The following XKR3 variants were observed in gnomAD, a reference collection of about 807,000 sequenced individuals.
XKR3 encodes XK-related protein 3.
Under a neutral mutation model 40.3 loss-of-function variants are expected in XKR3, and 27 were observed. The ratio of observed to expected loss-of-function variants is 0.67; its 90% confidence interval spans 0.49 to 0.92. XKR3 has a LOEUF of 0.92. Among genes scored for constraint, XKR3 ranks in the 40% least tolerant of loss-of-function variants. XKR3 has a pLI of 0.00. For missense variants in XKR3, 472 were observed against 537.6 expected, an observed-to-expected ratio of 0.88 and a Z score of 1.21; for synonymous variants, 193 against 195.4, an observed-to-expected ratio of 0.99 and a Z score of 0.10.
At chr22:16,809,800 C>CA (rs746909309) in intron 1 of XKR3, among the ~76,000 whole-genome samples, 14 of 152,036 alleles carry the variant, frequency 9.2e-5, no homozygotes, top group Admixed American at 5.2e-4. Flanking sequence ...TTCTGTTGTC[C>CA]AGGCTGGAGT....
At chr22:16,790,907 A>AC (rs1555896173) in intron 3 of XKR3, among the ~76,000 whole-genome samples, 2 of 148,598 alleles carry the variant, frequency 1.3e-5, no homozygotes, top group African/African-American at 2.5e-5. Flanking sequence ...AAAAAAAAAA[A>AC]GAATATGGAG....
intron 2 of XKR3, among the ~76,000 whole-genome samples, chr22:16,800,422 G>C (rs776303011): frequency 1.3e-5 from 2 of 152,108 alleles, no homozygotes; most frequent in Non-Finnish European, 1.5e-5. Flanking sequence ...ATACTATTCT[G>C]ACAACTTTTT....
At chr22:16,798,625 C>T (rs561905448) in intron 3 of XKR3, among the ~76,000 whole-genome samples, 4 of 152,260 alleles carry the variant, frequency 2.6e-5, no homozygotes, top group African/African-American at 7.2e-5. Flanking sequence ...TAATTTCTTT[C>T]GTATGGTTGC....
chr22:16,813,722 T>C (rs1355392638), intron 1 of XKR3, among the ~76,000 whole-genome samples: 4 of 152,238 alleles, frequency 2.6e-5, no homozygotes, highest in African/African-American at 9.6e-5. Flanking sequence ...GGTGAATGTA[T>C]GTCCAATCTT....
chr22:16,785,295 C>T (rs1323555576), intron 3 of XKR3, among the ~76,000 whole-genome samples: 1 of 151,702 alleles, frequency 6.6e-6, no homozygotes, highest in Non-Finnish European at 1.5e-5. Flanking sequence ...CCAGCCTGGG[C>T]GACAGAGCGA....
chr22:16,799,413 C>CAAAAAA (rs528071823), intron 3 of XKR3, among the ~76,000 whole-genome samples: 1,260 of 32,504 alleles, frequency 0.039, 186 homozygotes, highest in Non-Finnish European at 0.056. Flanking sequence ...GACTATGTCT[C>CAAAAAA]AAAAAAAAAA....
intron 1 of XKR3, among the ~76,000 whole-genome samples, chr22:16,812,777 C>T (rs2060217796): frequency 6.6e-6 from 1 of 152,160 alleles, no homozygotes. Flanking sequence ...ATTTTCATCA[C>T]CTTAATGAGA....
chr22:16,783,635 C>T lies in XKR3; in HGVS notation c.1364G>A (p.Ser455Asn). The change falls in exon 4 of 4, where the codon AGT (serine) becomes AAT (asparagine). Residue 455 changes from serine to asparagine, a missense_variant. Physicochemically the swap from Ser to Asn is conservative, Grantham distance 46. Transcript: ENST00000684488. ...NRVGYFSIRK[S>N]MTCS ...ATGTATATTTTATGAACATGTCATA[C>T]TTTTTCTGATTGAAAAATATCCAAC... The T allele has an allele frequency of 1.9e-6, 3 of 1,592,404 alleles. No homozygotes were observed. The highest frequency in any genetic ancestry group is 2.6e-6 in the Non-Finnish European group (3 of 1,171,886).
chr22:16,813,413 A>C (rs1249541732), intron 1 of XKR3, among the ~76,000 whole-genome samples: 1 of 152,076 alleles, frequency 6.6e-6, no homozygotes, highest in Non-Finnish European at 1.5e-5. Flanking sequence ...GGGTTCCTAA[A>C]CTCGAGATTT....
chr22:16,808,176 C>G lies in XKR3; in HGVS notation c.-10-93G>C, dbSNP rs1333820505. 3.1e-6 allele frequency: 3 copies of G among 969,458 alleles called. No individual in the cohort carries two copies. The East Asian group carries it at 7.3e-5, about 24-fold the overall frequency. 60.1% of individuals were successfully genotyped at this position (969,458 alleles called of 1,614,324 possible). On this transcript the variant is annotated intron_variant, in intron 1 of 3. Coordinates refer to ENST00000684488, the MANE Select transcript of XKR3 (RefSeq NM_001386955.1). ...ACAAGATTCTCTATAATTCACTATTCATAGAAAATGTTAACAGGTAGATAT... is the reference window on the plus strand; with the variant it reads ...ACAAGATTCTCTATAATTCACTATTGATAGAAAATGTTAACAGGTAGATAT...
At chr22:16,813,752 T>C (rs1414769076) in intron 1 of XKR3, among the ~76,000 whole-genome samples, 1 of 152,208 alleles carries the variant, frequency 6.6e-6, no homozygotes, top group Non-Finnish European at 1.5e-5. Flanking sequence ...TACCAGACTG[T>C]TTTCTAAAGA....
chr22:16,804,916 C>A (rs1441322750), intron 2 of XKR3, among the ~76,000 whole-genome samples: 1 of 152,160 alleles, frequency 6.6e-6, no homozygotes, highest in African/African-American at 2.4e-5. Flanking sequence ...GTATCATAGC[C>A]CACGGTCACT....
intron 3 of XKR3, among the ~76,000 whole-genome samples, chr22:16,789,042 C>A (rs2060103177): frequency 6.6e-6 from 1 of 152,118 alleles, no homozygotes; most frequent in African/African-American, 2.4e-5. Context: ...CTCTACATGA[C>A]AAACCCATAG....
chr22:16,803,028 A>G (rs1182004462), intron 2 of XKR3, among the ~76,000 whole-genome samples: 1 of 152,174 alleles, frequency 6.6e-6, no homozygotes, highest in African/African-American at 2.4e-5. Context: ...TATGTTAATC[A>G]GGGACTTCCA....
chr22:16,791,568 G>T (rs1458622096), intron 3 of XKR3, among the ~76,000 whole-genome samples: 1 of 151,482 alleles, frequency 6.6e-6, no homozygotes, highest in Non-Finnish European at 1.5e-5. Context: ...AGATAACTAC[G>T]TGAGAAAATG....
At chr22:16,817,552 G>A (rs1177589657) in intron 1 of XKR3, among the ~76,000 whole-genome samples, 2 of 152,060 alleles carry the variant, frequency 1.3e-5, no homozygotes, top group Admixed American at 6.6e-5. Context: ...CCAGCTAAAT[G>A]TCTAAACAAC....
At chr22:16,785,039 C>T (rs2060083831) in intron 3 of XKR3, among the ~76,000 whole-genome samples, 1 of 152,132 alleles carries the variant, frequency 6.6e-6, no homozygotes, top group Non-Finnish European at 1.5e-5. Flanking sequence ...TATGTGTGGC[C>T]GGGCGCGGTG....
Position 16,810,681 on chromosome 22 carries a change from A to G in XKR3, c.-10-2598T>C, listed in dbSNP as rs574857034. On this transcript the variant is annotated intron_variant, in intron 1 of 3. Coordinates refer to ENST00000684488, the MANE Select transcript of XKR3 (RefSeq NM_001386955.1). ...CACTATTTATATATAGAATGTTGCC[A>G]TTACCTTAAAAAGAAACTACCCATT... Among the ~76,000 whole-genome samples the G allele has an allele frequency of 2.0e-5, 3 of 152,336 alleles. No individual in the cohort carries two copies. The South Asian group carries it at 6.2e-4, about 32-fold the overall frequency.
At chr22:16,791,361 C>A (rs1171248873) in intron 3 of XKR3, among the ~76,000 whole-genome samples, 1 of 150,736 alleles carries the variant, frequency 6.6e-6, no homozygotes, top group Non-Finnish European at 1.5e-5. Context: ...ACAATGGTTA[C>A]CAGAGACTAG....
Sources: gnomAD v4.1 joint callset for allele counts (sites outside exome capture counted in the v4.1 genomes callset) on GRCh38, gnomAD v4.1.1 for gene constraint, MANE v1.5 for transcripts, NCBI Gene and HGNC (gene_info 2026-07-23, HGNC 2026-07-21) for gene names.